The following CAMK2D variants were observed in gnomAD, a reference collection of about 807,000 sequenced individuals.
CAMK2D encodes calcium/calmodulin dependent protein kinase II delta.
CAMK2D carries 37 observed loss-of-function variants against 84.0 expected under a neutral mutation model. That is an observed-to-expected ratio of 0.44 (90% CI 0.34 to 0.58). The LOEUF (loss-of-function observed/expected upper bound fraction) is 0.58. Among genes scored for constraint, CAMK2D ranks in the 20% least tolerant of loss-of-function variants. The probability of loss-of-function intolerance (pLI) is 0.02; values close to 1 mark genes in which losing one functional copy is unlikely to be tolerated. For missense variants in CAMK2D, 448 were observed against 652.5 expected, an observed-to-expected ratio of 0.69 and a Z score of 3.41; for synonymous variants, 202 against 212.5, an observed-to-expected ratio of 0.95 and a Z score of 0.43.
At chr4:113,485,662 T>A (rs1267360956) in intron 16 of CAMK2D, among the ~76,000 whole-genome samples, 1 of 152,214 alleles carries the variant, frequency 6.6e-6, no homozygotes, top group Non-Finnish European at 1.5e-5. Context: ...TGCTTAAAAC[T>A]TTCTGATATT....
At chr4:113,552,190 T>C (rs772690657) in intron 4 of CAMK2D, 94 bp from the exon 5 acceptor site, 32 of 651,124 alleles carry the variant, frequency 4.9e-5, no homozygotes, top group Non-Finnish European at 8.7e-5. Flanking sequence ...CTGTTTTTCT[T>C]AGATGATTTA....
chr4:113,478,717 G>A (rs912948182), intron 16 of CAMK2D, among the ~76,000 whole-genome samples: 5 of 152,098 alleles, frequency 3.3e-5, no homozygotes, highest in African/African-American at 9.7e-5. Flanking sequence ...GTGGTACAAT[G>A]TTTAATCAGA....
intron 3 of CAMK2D, among the ~76,000 whole-genome samples, chr4:113,660,506 T>C (rs1315013631): frequency 2.6e-5 from 4 of 152,096 alleles, no homozygotes; most frequent in South Asian, 4.1e-4. Flanking sequence ...CCTCCCACCT[T>C]AGCCTCTCTA....
intron 16 of CAMK2D, among the ~76,000 whole-genome samples, chr4:113,494,385 T>C (rs1007183170): frequency 1.3e-5 from 2 of 152,190 alleles, no homozygotes; most frequent in African/African-American, 2.4e-5. Context: ...GCAGGTCTGT[T>C]GGAGTACCCT....
At chr4:113,517,536 A>G (rs1279288611) in intron 9 of CAMK2D, 27 bp downstream of exon 9, 1 of 1,071,974 alleles carries the variant, frequency 9.3e-7, no homozygotes, top group South Asian at 1.5e-5. Flanking sequence ...ACCTTCATCT[A>G]AAGTGATATA....
chr4:113,613,631 A>G (rs1441281676), intron 3 of CAMK2D, among the ~76,000 whole-genome samples: 2 of 152,114 alleles, frequency 1.3e-5, no homozygotes, highest in Non-Finnish European at 1.5e-5. Context: ...TTGTCTCTCT[A>G]TACAGTTCCT....
chr4:113,719,818 G>A (rs932316456), intron 2 of CAMK2D, among the ~76,000 whole-genome samples: 5 of 152,088 alleles, frequency 3.3e-5, no homozygotes, highest in East Asian at 1.9e-4. Flanking sequence ...TACTCAAAGC[G>A]CTGATCTCTA....
At chr4:113,626,331 C>G (rs1019269252) in intron 3 of CAMK2D, among the ~76,000 whole-genome samples, 1 of 152,090 alleles carries the variant, frequency 6.6e-6, no homozygotes. Context: ...CTTGGCCTAC[C>G]TGAATATACC....
At chr4:113,691,040 G>T (rs1372890928) in intron 2 of CAMK2D, among the ~76,000 whole-genome samples, 1 of 152,180 alleles carries the variant, frequency 6.6e-6, no homozygotes, top group Non-Finnish European at 1.5e-5. Flanking sequence ...ATTCACAATT[G>T]TCTTGGGATT....
intron 2 of CAMK2D, among the ~76,000 whole-genome samples, chr4:113,757,818 T>C (rs2099631959): frequency 6.6e-6 from 1 of 152,100 alleles, no homozygotes; most frequent in Non-Finnish European, 1.5e-5. Flanking sequence ...AAAATGTATG[T>C]GACCAGGGAT....
At chr4:113,645,155 T>C (rs2099146614) in intron 3 of CAMK2D, among the ~76,000 whole-genome samples, 1 of 152,164 alleles carries the variant, frequency 6.6e-6, no homozygotes, top group Non-Finnish European at 1.5e-5. Context: ...TAGCTGGGAC[T>C]ACAGGCGCCC....
chr4:113,500,889 C>T (rs1409562713), intron 15 of CAMK2D, among the ~76,000 whole-genome samples: 5 of 151,932 alleles, frequency 3.3e-5, no homozygotes, highest in Non-Finnish European at 7.4e-5. Context: ...GAATTTGATA[C>T]TTAAAATAGA....
chr4:113,627,830 A>C (rs1191304120), intron 3 of CAMK2D, among the ~76,000 whole-genome samples: 2 of 152,152 alleles, frequency 1.3e-5, no homozygotes, highest in African/African-American at 2.4e-5. Flanking sequence ...ACACAATGTG[A>C]CTCAAACATC....
At chr4:113,477,473 C>T (rs1333850484) in intron 16 of CAMK2D, among the ~76,000 whole-genome samples, 1 of 152,106 alleles carries the variant, frequency 6.6e-6, no homozygotes, top group Non-Finnish European at 1.5e-5. Context: ...TGGCCAGGTG[C>T]AGTGGCCCAT....
rs536285580 is a variant in CAMK2D at position 113,484,908 on chromosome 4, C to A, written c.1135+15555G>T. 1.8e-4 allele frequency among the ~76,000 whole-genome samples: 28 copies of A among 152,178 alleles called. No individual in the cohort carries two copies. The South Asian group carries it at 4.8e-3, about 26-fold the overall frequency. On this transcript the variant is annotated intron_variant, in intron 16 of 20. Transcript: ENST00000511664. The stretch of plus-strand genomic sequence containing the variant: ...GGAAGTCTTCATGTTTGATAGAAAA[C>A]CTCCCTGGCAAGTGTCTTTGCCACT...
rs1033635842 is a variant in CAMK2D at position 113,452,477 on chromosome 4, C to A, written c.*2068G>T. The A allele has an allele frequency of 1.3e-5, 2 of 152,534 alleles. No homozygotes were observed. The highest frequency in any genetic ancestry group is 4.8e-5 in the African/African-American group (2 of 41,428). The allele number at this position is 152,534 out of a possible 1,614,324, so 9.4% of individuals were successfully genotyped here. ...ATCAATCAGTCCTTTACCATTATGG[C>A]AAGAAATATATACAGTGTCCCATGG... On this transcript the variant is annotated 3_prime_UTR_variant, in exon 21 of 21. Transcript: ENST00000511664.
intron 3 of CAMK2D, among the ~76,000 whole-genome samples, chr4:113,620,786 G>C (rs972420320): frequency 1.3e-5 from 2 of 152,064 alleles, no homozygotes; most frequent in African/African-American, 4.8e-5. Flanking sequence ...GATTACAGGC[G>C]TAAGCCACCA....
chr4:113,570,847 G>A (rs2098749898), intron 4 of CAMK2D, among the ~76,000 whole-genome samples: 1 of 152,016 alleles, frequency 6.6e-6, no homozygotes, highest in East Asian at 1.9e-4. Flanking sequence ...ACAATCAACA[G>A]AGTGAAGAGA....
At chr4:113,494,378 G>T (rs1472450917) in intron 16 of CAMK2D, among the ~76,000 whole-genome samples, 13 of 152,170 alleles carry the variant, frequency 8.5e-5, no homozygotes, top group Non-Finnish European at 1.9e-4. Flanking sequence ...CTCAGCTGCA[G>T]GTCTGTTGGA....
Sources: allele counts gnomAD v4.1 joint callset (sites outside exome capture counted in the v4.1 genomes callset), GRCh38; gene constraint gnomAD v4.1.1; transcripts MANE v1.5; gene names NCBI Gene and HGNC (gene_info 2026-07-23, HGNC 2026-07-21).